The following TBC1D19 variants were observed in gnomAD, a reference collection of about 807,000 sequenced individuals.
TBC1D19 encodes TBC1 domain family, member 19.
TBC1D19 carries 60 observed loss-of-function variants against 89.0 expected under a neutral mutation model. The ratio of observed to expected loss-of-function variants is 0.67; its 90% CI spans 0.55 to 0.84. TBC1D19 has a LOEUF of 0.84. Among genes scored for constraint, TBC1D19 ranks in the 40% least tolerant of loss-of-function variants. The probability of loss-of-function intolerance (pLI) is 0.00; values close to 1 mark genes in which losing one functional copy is unlikely to be tolerated. For synonymous variants in TBC1D19, 189 were observed against 199.7 expected (o/e 0.95, Z 0.45); for missense variants, 500 against 610.8 (o/e 0.82, Z 1.91).
intron 15 of TBC1D19, among the ~76,000 whole-genome samples, chr4:26,735,003 C>CATATGTATATGTATATATGTAT (rs1362889931): frequency 1.4e-4 from 16 of 115,274 alleles, no homozygotes; most frequent in African/African-American, 4.2e-4. Context: ...TATGTATACA[C>CATATGTATATGTATATATGTAT]ATATGTATAT....
At chr4:26,586,585 G>A (rs1282345547) in intron 1 of TBC1D19, among the ~76,000 whole-genome samples, 1 of 151,982 alleles carries the variant, frequency 6.6e-6, no homozygotes, top group African/African-American at 2.4e-5. Context: ...TAAATTTTCT[G>A]GCCCATGGAC....
intron 1 of TBC1D19, among the ~76,000 whole-genome samples, chr4:26,604,020 T>G (rs1740798929): frequency 6.6e-6 from 1 of 152,168 alleles, no homozygotes; most frequent in Admixed American, 6.5e-5. Context: ...CTCTATGAAT[T>G]TAACCACTTT....
chr4:26,771,526 A>G, the TBC1D19 span, among the ~76,000 whole-genome samples: 1 of 152,234 alleles, frequency 6.6e-6, no homozygotes, highest in Non-Finnish European at 1.5e-5. Flanking sequence ...ATGACATGAG[A>G]AAACCTTGAT....
chr4:26,746,785 A>G (rs1035034281), intron 18 of TBC1D19, among the ~76,000 whole-genome samples: 5 of 152,214 alleles, frequency 3.3e-5, no homozygotes, highest in African/African-American at 1.2e-4. Context: ...ATAATAAAAT[A>G]GAACAATTAT....
chr4:26,711,488 A>G (rs923271735), intron 13 of TBC1D19, among the ~76,000 whole-genome samples: 5 of 152,060 alleles, frequency 3.3e-5, no homozygotes, highest in Non-Finnish European at 5.9e-5. Context: ...AAAATAATTT[A>G]TTTCTCAGAA....
At chr4:26,713,192 A>G (rs1423376627) in intron 13 of TBC1D19, among the ~76,000 whole-genome samples, 2 of 152,042 alleles carry the variant, frequency 1.3e-5, no homozygotes, top group Non-Finnish European at 2.9e-5. Context: ...TTGAGACCAT[A>G]TTTGATAATA....
intron 1 of TBC1D19, among the ~76,000 whole-genome samples, chr4:26,596,079 CT>C (rs1370229066): frequency 6.6e-6 from 1 of 152,076 alleles, no homozygotes; most frequent in African/African-American, 2.4e-5. Flanking sequence ...GCCTCAGCCT[CT>C]AGAGTAGCTG....
At chr4:26,854,160 T>C in the TBC1D19 span, among the ~76,000 whole-genome samples, 2,915 of 152,306 alleles carry the variant, frequency 0.019, 107 homozygotes, top group African/African-American at 0.068. Flanking sequence ...AATAAACTAT[T>C]TCCTTAAAAT....
intron 7 of TBC1D19, among the ~76,000 whole-genome samples, chr4:26,640,477 C>T (rs543949730): frequency 1.3e-5 from 2 of 151,708 alleles, no homozygotes; most frequent in Admixed American, 1.3e-4. Flanking sequence ...GTCTGCAGCT[C>T]CCAGCGTGAT....
intron 1 of TBC1D19, chr4:26,584,877 A>C (rs2109928605): frequency 5.6e-6 from 1 of 179,936 alleles, no homozygotes; most frequent in African/African-American, 2.4e-5. Flanking sequence ...TTTGTGACTC[A>C]TATAAATGAA....
the TBC1D19 span, among the ~76,000 whole-genome samples, chr4:26,785,580 TAC>T: frequency 6.6e-6 from 1 of 152,206 alleles, no homozygotes; most frequent in African/African-American, 2.4e-5. Flanking sequence ...AAGATCATAG[TAC>T]AGTGTGGCAA....
intron 15 of TBC1D19, among the ~76,000 whole-genome samples, chr4:26,730,360 AT>A (rs983483693): frequency 2.6e-5 from 4 of 152,180 alleles, no homozygotes; most frequent in African/African-American, 9.7e-5. Context: ...AAGGAATACA[AT>A]TCTTAAGTAC....
rs529462135 is a variant in TBC1D19, at chr4:26,716,872, C to G, written c.955-1061C>G. Among the ~76,000 whole-genome samples the G allele has an allele frequency of 6.5e-4, 99 of 152,078 alleles. No homozygotes were observed. The Middle Eastern group carries it at 0.01, about 16-fold the overall frequency. On this transcript the variant is annotated intron_variant, in intron 13 of 20. Coordinates refer to ENST00000264866, the MANE Select transcript of TBC1D19 (RefSeq NM_018317.4). The stretch of plus-strand genomic sequence containing the variant: ...TGTTGATCAGGCTGGTTTTGAACTC[C>G]TGGGCTCAAGTGATCCTCCTGCCTT...
intron 18 of TBC1D19, 59 bp from the exon 19 acceptor site, chr4:26,748,352 G>A: frequency 8.2e-7 from 1 of 1,225,818 alleles, no homozygotes. Flanking sequence ...TTCTGATATT[G>A]CATTTTCATG....
chr4:26,680,968 C>T (rs1176026960), intron 11 of TBC1D19, among the ~76,000 whole-genome samples: 1 of 152,066 alleles, frequency 6.6e-6, no homozygotes, highest in Non-Finnish European at 1.5e-5. Context: ...ACTCTGTTTT[C>T]AATCCAAGAA....
chr4:26,858,121 A>G, the TBC1D19 span: 1 of 152,206 alleles, frequency 6.6e-6, no homozygotes, highest in Admixed American at 6.5e-5. Flanking sequence ...CCCAATTTAA[A>G]AGTGGGGAAA....
chr4:26,843,507 G>T, the TBC1D19 span, among the ~76,000 whole-genome samples: 1 of 151,436 alleles, frequency 6.6e-6, no homozygotes, highest in Non-Finnish European at 1.5e-5. Flanking sequence ...ACCATTAACG[G>T]CATATACTAT....
intron 1 of TBC1D19, among the ~76,000 whole-genome samples, chr4:26,607,755 G>A (rs1036913744): frequency 6.6e-6 from 1 of 152,192 alleles, no homozygotes; most frequent in African/African-American, 2.4e-5. Flanking sequence ...ACTTGTTTCT[G>A]GGTGATCCCA....
chr4:26,757,449 G>A (rs74897585), downstream of TBC1D19, among the ~76,000 whole-genome samples: 2,047 of 152,282 alleles, frequency 0.013, 42 homozygotes, highest in African/African-American at 0.047. Flanking sequence ...ACAAAGATTG[G>A]AGTAAACAGT....
Sources: gnomAD v4.1 joint callset for allele counts (sites outside exome capture counted in the v4.1 genomes callset) on GRCh38, gnomAD v4.1.1 for gene constraint, MANE v1.5 for transcripts, NCBI Gene and HGNC (gene_info 2026-07-23, HGNC 2026-07-21) for gene names.